Variants in CCSER1 observed in about 807,000 individuals in gnomAD.
CCSER1 encodes coiled-coil serine rich protein 1.
A neutral mutation model predicts 82.0 loss-of-function variants in CCSER1; 41 were observed. The ratio of observed to expected loss-of-function variants is 0.50; its 90% confidence interval spans 0.39 to 0.65. The LOEUF (loss-of-function observed/expected upper bound fraction) is 0.65. Among genes scored for constraint, CCSER1 ranks in the 30% least tolerant of loss-of-function variants. The probability of loss-of-function intolerance (pLI) is 0.00; values close to 1 mark genes in which losing one functional copy is unlikely to be tolerated. For synonymous variants in CCSER1, 414 were observed against 383.9 expected (o/e 1.08, Z -0.92); for missense variants, 1,119 against 1,064.2 (o/e 1.05, Z -0.72).
At chr4:90,529,936 AAT>A (rs1013939688) in intron 5 of CCSER1, among the ~76,000 whole-genome samples, 59 of 130,832 alleles carry the variant, frequency 4.5e-4, no homozygotes, top group African/African-American at 6.9e-4. Flanking sequence ...TATTAAATAG[AAT>A]ATATATATAT....
intron 10 of CCSER1, among the ~76,000 whole-genome samples, chr4:91,590,249 T>C (rs918668331): frequency 7.9e-5 from 12 of 152,076 alleles, no homozygotes; most frequent in Admixed American, 7.9e-4. Flanking sequence ...AGTTTAACTC[T>C]GGACAATGTG....
At chr4:90,646,935 T>C (rs1447487856) in intron 6 of CCSER1, among the ~76,000 whole-genome samples, 1 of 152,060 alleles carries the variant, frequency 6.6e-6, no homozygotes, top group Non-Finnish European at 1.5e-5. Context: ...TGCTTAGTAC[T>C]CTCTACAAAT....
chr4:90,910,450 C>A (rs933992749), intron 8 of CCSER1, among the ~76,000 whole-genome samples: 1 of 152,164 alleles, frequency 6.6e-6, no homozygotes, highest in African/African-American at 2.4e-5. Context: ...CAGTCTGTCT[C>A]ATTCATAAAT....
chr4:91,181,713 A>G (rs1048586207), intron 10 of CCSER1, among the ~76,000 whole-genome samples: 1 of 152,236 alleles, frequency 6.6e-6, no homozygotes, highest in Non-Finnish European at 1.5e-5. Flanking sequence ...ATTGTTGTGC[A>G]GCACCTCTGT....
In CCSER1 at chr4:91,328,854, T is replaced by C. The variant is rs527515045; in HGVS notation, c.2217+242860T>C. 9.2e-5 allele frequency among the ~76,000 whole-genome samples: 14 copies of C among 152,256 alleles called. No homozygotes were observed. The East Asian group carries it at 2.3e-3, about 25-fold the overall frequency. ...CAAGGATGGGACCACGTAGAGATAG[T>C]TGAATCATGGTAGCAGTTTCCCCCC... On this transcript the variant is annotated intron_variant, in intron 10 of 10. Transcript: ENST00000509176.
chr4:90,140,901 G>A (rs1336830384), intron 1 of CCSER1, among the ~76,000 whole-genome samples: 3 of 151,742 alleles, frequency 2.0e-5, no homozygotes, highest in South Asian at 2.1e-4. Context: ...TCCTGACCTC[G>A]TGATCTGCCC....
At chr4:90,652,855 A>G (rs771098429) in intron 6 of CCSER1, among the ~76,000 whole-genome samples, 23 of 151,992 alleles carry the variant, frequency 1.5e-4, no homozygotes, top group Non-Finnish European at 2.8e-4. Context: ...CCAAGGCCCC[A>G]TTGTTTCTCT....
At chr4:91,420,231 A>C (rs950212251) in intron 10 of CCSER1, among the ~76,000 whole-genome samples, 4 of 152,146 alleles carry the variant, frequency 2.6e-5, no homozygotes, top group Non-Finnish European at 5.9e-5. Context: ...GCTTCAGCAC[A>C]GCAAAGGAAA....
chr4:90,331,903 CAG>C, intron 3 of CCSER1, among the ~76,000 whole-genome samples: 1 of 151,474 alleles, frequency 6.6e-6, no homozygotes, highest in Non-Finnish European at 1.5e-5. Context: ...ATTCACAAAA[CAG>C]AACTTGTAGG....
intron 1 of CCSER1, among the ~76,000 whole-genome samples, chr4:90,160,173 T>C (rs1204621174): frequency 6.6e-6 from 1 of 152,114 alleles, no homozygotes; most frequent in Non-Finnish European, 1.5e-5. Context: ...TTCAAAACAG[T>C]CCTTAAGAGG....
In CCSER1 at chr4:90,756,149, A is replaced by G. The variant is rs1322898342; in HGVS notation, c.2010+32158A>G. On this transcript the variant is annotated intron_variant, in intron 7 of 10. Transcript: ENST00000509176. ...AGGCTGAAGCAGGAGAATTGCTTGAATCCGGGAGACAGAGATTGCAGTGAG... is the reference window on the plus strand; with the variant it reads ...AGGCTGAAGCAGGAGAATTGCTTGAGTCCGGGAGACAGAGATTGCAGTGAG... Among the ~76,000 whole-genome samples, 3 of 152,182 alleles carry G rather than the reference A, an allele frequency of 2.0e-5. No homozygotes were observed. The East Asian group carries it at 5.8e-4, about 29-fold the overall frequency.
chr4:90,166,067 G>A (rs762638800), intron 1 of CCSER1, among the ~76,000 whole-genome samples: 1 of 151,956 alleles, frequency 6.6e-6, no homozygotes, highest in Non-Finnish European at 1.5e-5. Flanking sequence ...TTATGATGGT[G>A]CGAAAGTGAT....
In CCSER1 at chr4:91,298,615, A is replaced by G. The variant is rs181103653; in HGVS notation, c.2217+212621A>G. Among the ~76,000 whole-genome samples, 23 of 152,134 alleles carry G rather than the reference A, an allele frequency of 1.5e-4. No individual in the cohort carries two copies. The East Asian group carries it at 4.5e-3, about 30-fold the overall frequency. On this transcript the variant is annotated intron_variant, in intron 10 of 10. Coordinates refer to ENST00000509176, the MANE Select transcript of CCSER1 (RefSeq NM_001145065.2). The stretch of plus-strand genomic sequence containing the variant: ...AGCGTGGGAATGGAGACTAACTAAG[A>G]AGGGCAAAATATTTATGAAAGTAAG...
chr4:90,502,982 C>A (rs1457639949), intron 5 of CCSER1, among the ~76,000 whole-genome samples: 1 of 152,108 alleles, frequency 6.6e-6, no homozygotes, highest in African/African-American at 2.4e-5. Flanking sequence ...TGCCAAGCAT[C>A]TAGAATCACC....
intron 5 of CCSER1, among the ~76,000 whole-genome samples, chr4:90,552,876 A>T (rs1777686111): frequency 1.3e-5 from 2 of 152,214 alleles, no homozygotes; most frequent in Admixed American, 6.5e-5. Context: ...TAATATTGAG[A>T]TAATGACCTA....
chr4:91,019,324 C>A (rs922271674), intron 9 of CCSER1, among the ~76,000 whole-genome samples: 1 of 151,694 alleles, frequency 6.6e-6, no homozygotes, highest in African/African-American at 2.4e-5. Flanking sequence ...ATCTTATATC[C>A]ATGGGTTCTA....
chr4:90,487,334 A>T (rs1767265123), intron 5 of CCSER1, among the ~76,000 whole-genome samples: 1 of 152,222 alleles, frequency 6.6e-6, no homozygotes, highest in Admixed American at 6.5e-5. Context: ...TCTGACTTAG[A>T]TCATGCACAG....
chr4:90,289,716 A>C (rs1382457154), intron 1 of CCSER1, among the ~76,000 whole-genome samples: 1 of 151,936 alleles, frequency 6.6e-6, no homozygotes, highest in Admixed American at 6.6e-5. Context: ...TTGATGTCTT[A>C]AACTCTTGAC....
intron 10 of CCSER1, among the ~76,000 whole-genome samples, chr4:91,573,032 C>T (rs1365337110): frequency 6.6e-6 from 1 of 152,156 alleles, no homozygotes; most frequent in East Asian, 1.9e-4. Context: ...AGGTGAGAGG[C>T]TGGAGGCCCA....
Sources: gnomAD v4.1 joint callset for allele counts (sites outside exome capture counted in the v4.1 genomes callset) on GRCh38, gnomAD v4.1.1 for gene constraint, MANE v1.5 for transcripts, NCBI Gene and HGNC (gene_info 2026-07-23, HGNC 2026-07-21) for gene names.